STAT1: variants seen among roughly 807,000 people sequenced by gnomAD.
The protein encoded by STAT1 is signal transducer and activator of transcription 1-alpha/beta.
In STAT1, 24 loss-of-function variants were observed where a neutral mutation model predicts 111.7. The observed-to-expected ratio is 0.21, with a 90% CI of 0.16 to 0.30. The LOEUF (loss-of-function observed/expected upper bound fraction) is 0.30, where lower values mean the gene tolerates loss of function less well. Ranked by LOEUF, STAT1 falls within the 10% of genes least tolerant of loss-of-function variation. The pLI is 1.00. For missense variants in STAT1, 351 were observed against 911.9 expected (o/e 0.38, Z 7.92); for synonymous variants, 332 against 326.5 (o/e 1.02, Z -0.18).
chr2:190,979,097 GA>G lies in STAT1; in HGVS notation c.1728-97del, dbSNP rs1235653990. 7 of 1,515,492 alleles carry G rather than the reference GA, an allele frequency of 4.6e-6. No individual in the cohort carries two copies. In the Admixed American group the frequency reaches 7.4e-5, roughly 16 times the overall value. 93.9% of individuals were successfully genotyped at this position (1,515,492 alleles called of 1,614,324 possible). On this transcript the variant is annotated intron_variant, in intron 20 of 24. Coordinates refer to ENST00000361099, the MANE Select transcript of STAT1 (RefSeq NM_007315.4). The surrounding 1 kb of genome is among the most constrained non-coding windows in gnomAD (Gnocchi z 5.8). The stretch of plus-strand genomic sequence containing the variant: ...AACCAAGAAAATGGCTGGAATGTGA[GA>G]AAAAAAACCTACGGTAAAAAACGTA...
In STAT1 at chr2:191,012,441, A is replaced by G. The variant is rs894520476; in HGVS notation, c.-2+1084T>C. On this transcript the variant is annotated intron_variant, in intron 2 of 24. Transcript: ENST00000361099. The surrounding 1 kb of genome is among the most constrained non-coding windows in gnomAD (Gnocchi z 4.0). ...TAAAAAAAAAAAACAATGAATAAAT[A>G]AGCTCATGTTCACAAATCTGGAGTC... Among the ~76,000 whole-genome samples, 1 of 151,792 alleles carries G rather than the reference A, an allele frequency of 6.6e-6. No homozygotes were observed. Among genetic ancestry groups the G allele is most frequent in the Non-Finnish European group, 1.5e-5 (1 of 67,926 alleles).
At position 190,986,032 on chromosome 2, in the gene STAT1, CAGGTCCACCTGCCCTCA is replaced by C. The variant is rs1211177502; in HGVS notation, c.1222-389_1222-373del. ...TCCTCCAGGCTGGGCCCAGTGACTC[CAGGTCCACCTGCCCTCA>C]AGTGGACGTCAATCTCTGAGCTGTC... On this transcript the variant is annotated intron_variant, in intron 14 of 24. Coordinates refer to ENST00000361099, the MANE Select transcript of STAT1 (RefSeq NM_007315.4). This position sits in a 1 kb window ranked among gnomAD's most constrained non-coding sequence, Gnocchi z 5.0. Among the ~76,000 whole-genome samples, 5 of 152,198 alleles carry C rather than the reference CAGGTCCACCTGCCCTCA, an allele frequency of 3.3e-5. No homozygotes were observed. The highest frequency in any genetic ancestry group is 3.3e-4 in the Admixed American group (5 of 15,282).
rs146381398 is a variant in STAT1, at chr2:190,984,766, T to C, written c.1264-373A>G. ...AGAGGACTGGGAGTAAGTGCATACT[T>C]GTGATTGTCTACTGCCTACCGGAAG... On this transcript the variant is annotated intron_variant, in intron 15 of 24. Transcript: ENST00000361099. This position sits in a 1 kb window ranked among gnomAD's most constrained non-coding sequence, Gnocchi z 5.2. Among the ~76,000 whole-genome samples, 2 of 152,348 alleles carry C rather than the reference T, an allele frequency of 1.3e-5. No homozygotes were observed. Among genetic ancestry groups the C allele is most frequent in the African/African-American group, 4.8e-5 (2 of 41,586 alleles).
chr2:190,970,227 GA>G lies in STAT1; in HGVS notation c.*475del, dbSNP rs1266849259. On this transcript the variant is annotated 3_prime_UTR_variant, in exon 25 of 25. Coordinates refer to ENST00000361099, the MANE Select transcript of STAT1 (RefSeq NM_007315.4). This position sits in a 1 kb window ranked among gnomAD's most constrained non-coding sequence, Gnocchi z 5.4. ...GAACTATTTCACAGGTAAACCAATG[GA>G]AAACTGCCAGTTACACTTAAAGCAA... is the stretch of plus-strand genomic sequence containing the variant. The G allele has an allele frequency of 1.4e-5, 3 of 210,336 alleles. No homozygotes were observed. Among genetic ancestry groups the G allele is most frequent in the Non-Finnish European group, 2.9e-5 (3 of 102,578 alleles). The allele number at this position is 210,336 out of a possible 1,614,324, so 13.0% of individuals were successfully genotyped here. A position where few individuals can be genotyped will look rare whatever the true frequency, so the allele number is the denominator to read the frequency against.
In STAT1 at chr2:191,003,016, G is replaced by A. The variant is rs1282322838; in HGVS notation, c.373-1853C>T. ...TTTGGTCATGTCCTTTCTTAATGTA[G>A]TATTTAATTCTGATCCCTAATATCT... On this transcript the variant is annotated intron_variant, in intron 5 of 24. Coordinates refer to ENST00000361099, the MANE Select transcript of STAT1 (RefSeq NM_007315.4). The surrounding 1 kb of genome is among the most constrained non-coding windows in gnomAD (Gnocchi z 4.0). Among the ~76,000 whole-genome samples the A allele has an allele frequency of 6.6e-6, 1 of 152,082 alleles. No homozygotes were observed. The highest frequency in any genetic ancestry group is 1.5e-5 in the Non-Finnish European group (1 of 67,996).
intron 5 of STAT1, 21 bp from the exon 6 acceptor site, chr2:191,001,184 T>A (rs761033307): frequency 2.5e-6 from 4 of 1,593,174 alleles, no homozygotes; most frequent in Non-Finnish European, 2.6e-6. Context: ...AAGGGCATGA[T>A]TATAGCCATC....
Position 190,973,235 on chromosome 2 carries a change from G to A in STAT1, c.2238+1595C>T, listed in dbSNP as rs532523686. Reference sequence around the variant, plus strand: ...ATGGGGCAAAGATTAGCTTTTTGTGGGAGGCTTTCCAGGATACCGGACAAA... The same window carrying A: ...ATGGGGCAAAGATTAGCTTTTTGTGAGAGGCTTTCCAGGATACCGGACAAA... On this transcript the variant is annotated intron_variant, in intron 24 of 24. Transcript: ENST00000361099. This position sits in a 1 kb window ranked among gnomAD's most constrained non-coding sequence, Gnocchi z 4.4. Among the ~76,000 whole-genome samples, 3 of 152,210 alleles carry A rather than the reference G, an allele frequency of 2.0e-5. No homozygotes were observed. In the South Asian group the frequency reaches 6.2e-4, roughly 32 times the overall value.
intron 5 of STAT1, among the ~76,000 whole-genome samples, chr2:191,002,421 A>T (rs1694345687): frequency 6.6e-6 from 1 of 152,040 alleles, no homozygotes; most frequent in Non-Finnish European, 1.5e-5. Context: ...ACTATAGAGG[A>T]TTTATAGTCT....
chr2:190,980,590 TAGAG>T lies in STAT1; in HGVS notation c.1632+26_1632+29del, dbSNP rs769620703. The T allele has an allele frequency of 2.6e-5, 42 of 1,611,738 alleles. No individual in the cohort carries two copies. The highest frequency in any genetic ancestry group is 3.2e-5 in the Non-Finnish European group (38 of 1,177,952). On this transcript the variant is annotated intron_variant, in intron 19 of 24. Coordinates refer to ENST00000361099, the MANE Select transcript of STAT1 (RefSeq NM_007315.4). The surrounding 1 kb of genome is among the most constrained non-coding windows in gnomAD (Gnocchi z 6.1). ...ACCTCAACCAAGAGCAAAAAGGACT[TAGAG>T]AGCATAAAACCCAGACAGTCCTCAC...
At position 191,006,317 on chromosome 2, in the gene STAT1, T is replaced by A. The variant is rs1021717324; in HGVS notation, c.372+1246A>T. ...GCCAGCTTCTCCTCCAGCGTTGATA[T>A]ACACCTTTGTTCCCTAGGCTGGGTA... On this transcript the variant is annotated intron_variant, in intron 5 of 24. Coordinates refer to ENST00000361099, the MANE Select transcript of STAT1 (RefSeq NM_007315.4). This position sits in a 1 kb window ranked among gnomAD's most constrained non-coding sequence, Gnocchi z 4.6. Among the ~76,000 whole-genome samples the A allele has an allele frequency of 4.6e-5, 7 of 152,350 alleles. No individual in the cohort carries two copies. Among genetic ancestry groups the A allele is most frequent in the African/African-American group, 1.4e-4 (6 of 41,584 alleles).
At position 190,983,948 on chromosome 2, in the gene STAT1, A is replaced by C. The variant is rs1692584489; in HGVS notation, c.1348-208T>G. 6.6e-6 allele frequency among the ~76,000 whole-genome samples: 1 copy of C among 152,198 alleles called. No homozygotes were observed. The highest frequency in any genetic ancestry group is 2.4e-5 in the African/African-American group (1 of 41,436). On this transcript the variant is annotated intron_variant, in intron 16 of 24. Coordinates refer to ENST00000361099, the MANE Select transcript of STAT1 (RefSeq NM_007315.4). The surrounding 1 kb of genome is among the most constrained non-coding windows in gnomAD (Gnocchi z 5.7). ...GTTAAGAAATAAGTCCCTAAAAATA[A>C]TAATAGCTACAATAATTAATTAAGG...
Position 190,978,167 on chromosome 2 carries a change from A to G in STAT1, c.1873+689T>C, listed in dbSNP as rs1692058084. On this transcript the variant is annotated intron_variant, in intron 21 of 24. Coordinates refer to ENST00000361099, the MANE Select transcript of STAT1 (RefSeq NM_007315.4). The surrounding 1 kb of genome is among the most constrained non-coding windows in gnomAD (Gnocchi z 6.1). ...CTGAAAGTATAAAAATTACTAAAAC[A>G]AATCAGTTTTTCCTCCTGCCCTTCA... is the stretch of plus-strand genomic sequence containing the variant. 6.6e-6 allele frequency among the ~76,000 whole-genome samples: 1 copy of G among 152,196 alleles called. No individual in the cohort carries two copies. Among genetic ancestry groups the G allele is most frequent in the African/African-American group, 2.4e-5 (1 of 41,442 alleles).
At position 191,006,286 on chromosome 2, in the gene STAT1, A is replaced by G. The variant is rs1694688311; in HGVS notation, c.372+1277T>C. Among the ~76,000 whole-genome samples, 1 of 152,218 alleles carries G rather than the reference A, an allele frequency of 6.6e-6. No individual in the cohort carries two copies. The highest frequency in any genetic ancestry group is 2.4e-5 in the African/African-American group (1 of 41,450). ...CAGGCACACCTCTTTCAGAGGAGAC[A>G]ACCTGGCCAGCTTCTCCTCCAGCGT... On this transcript the variant is annotated intron_variant, in intron 5 of 24. Coordinates refer to ENST00000361099, the MANE Select transcript of STAT1 (RefSeq NM_007315.4). The surrounding 1 kb of genome is among the most constrained non-coding windows in gnomAD (Gnocchi z 4.6).
At position 190,987,485 on chromosome 2, in the gene STAT1, T is replaced by C. The variant is rs2125037400; in HGVS notation, c.1098-417A>G. Reference sequence around the variant, plus strand: ...TGGTGCAAGGCCCTGCACTAAGCACTGGGGATCCAGCCAACAGCACTGCCC... The same window carrying C: ...TGGTGCAAGGCCCTGCACTAAGCACCGGGGATCCAGCCAACAGCACTGCCC... On this transcript the variant is annotated intron_variant, in intron 12 of 24. Transcript: ENST00000361099. This position sits in a 1 kb window ranked among gnomAD's most constrained non-coding sequence, Gnocchi z 4.0. Among the ~76,000 whole-genome samples, 1 of 152,350 alleles carries C rather than the reference T, an allele frequency of 6.6e-6. No homozygotes were observed.
chr2:191,011,334 T>A (rs1437210287), intron 2 of STAT1, among the ~76,000 whole-genome samples: 9 of 152,312 alleles, frequency 5.9e-5, no homozygotes, highest in Non-Finnish European at 1.5e-5. Context: ...AAAGCAGATA[T>A]GCTGGACCGT....
At chr2:190,994,573 C>A (rs377142483) in intron 10 of STAT1, among the ~76,000 whole-genome samples, 308 of 152,132 alleles carry the variant, frequency 2.0e-3, no homozygotes, top group African/African-American at 7.2e-3. Context: ...TAGCTGGCCA[C>A]AAGAGTGAAG....
chr2:190,979,138 C>G lies in STAT1; in HGVS notation c.1728-137G>C. The stretch of plus-strand genomic sequence containing the variant: ...TAAAAAACGTAGACTATTTTAAAAT[C>G]TGTTCAGTTGACACTTAAGGAAGCA... On this transcript the variant is annotated intron_variant, in intron 20 of 24. Coordinates refer to ENST00000361099, the MANE Select transcript of STAT1 (RefSeq NM_007315.4). This position sits in a 1 kb window ranked among gnomAD's most constrained non-coding sequence, Gnocchi z 5.8. The G allele has an allele frequency of 2.5e-6, 3 of 1,182,934 alleles. No homozygotes were observed. Among genetic ancestry groups the G allele is most frequent in the Non-Finnish European group, 3.6e-6 (3 of 822,638 alleles). 73.3% of individuals were successfully genotyped at this position (1,182,934 alleles called of 1,614,324 possible).
At chr2:191,001,809 G>C (rs1694289515) in intron 5 of STAT1, among the ~76,000 whole-genome samples, 1 of 152,140 alleles carries the variant, frequency 6.6e-6, no homozygotes, top group African/African-American at 2.4e-5. Flanking sequence ...TCATACACCA[G>C]ATGTACCCTG....
chr2:190,980,888 A>G lies in STAT1; in HGVS notation c.1583-219T>C, dbSNP rs1196285656. Among the ~76,000 whole-genome samples the G allele has an allele frequency of 6.6e-6, 1 of 152,168 alleles. No homozygotes were observed. The highest frequency in any genetic ancestry group is 2.4e-5 in the African/African-American group (1 of 41,434). The stretch of plus-strand genomic sequence containing the variant: ...GGAATTTAAATGGTCTAAAATATGT[A>G]TATGTTGGTTTGAGTTTAATGGCAG... On this transcript the variant is annotated intron_variant, in intron 18 of 24. Coordinates refer to ENST00000361099, the MANE Select transcript of STAT1 (RefSeq NM_007315.4). This position sits in a 1 kb window ranked among gnomAD's most constrained non-coding sequence, Gnocchi z 6.1.
Sources: gnomAD v4.1 joint callset for allele counts (sites outside exome capture counted in the v4.1 genomes callset) on GRCh38, gnomAD v4.1.1 for gene constraint, Gnocchi (gnomAD v3.1) non-coding constraint, MANE v1.5 for transcripts, NCBI Gene and HGNC (gene_info 2026-07-23, HGNC 2026-07-21) for gene names.